The following LPA variants were observed in gnomAD, a reference collection of about 807,000 sequenced individuals.
The protein encoded by LPA is apolipoprotein(a).
In LPA, 199 loss-of-function variants were observed where a neutral mutation model predicts 197.9. The ratio of observed to expected loss-of-function variants is 1.01; its 90% CI spans 0.90 to 1.13. The LOEUF (loss-of-function observed/expected upper bound fraction) is 1.13, where lower values mean the gene tolerates loss of function less well. Ranked by LOEUF, LPA falls within the 50% of genes most tolerant of loss-of-function variation. LPA has a pLI of 0.00. For synonymous variants in LPA, 715 were observed against 639.5 expected (o/e 1.12, Z -1.78); for missense variants, 1,853 against 1,785.8 (o/e 1.04, Z -0.68).
intron 8 of LPA, among the ~76,000 whole-genome samples, chr6:160,631,991 A>AGATTGTGTGTGT (rs1554240940): frequency 1.1e-4 from 14 of 131,280 alleles, no homozygotes; most frequent in South Asian, 2.5e-4. Flanking sequence ...GTGTGTTTTC[A>AGATTGTGTGTGT]GTGTGTGTGT....
At chr6:160,608,435 T>C (rs990858313) in intron 16 of LPA, among the ~76,000 whole-genome samples, 1 of 152,178 alleles carries the variant, frequency 6.6e-6, no homozygotes, top group African/African-American at 2.4e-5. Context: ...TCCAGTGTTT[T>C]TGACGAGAAT....
At chr6:160,544,845 T>C (rs565848460) in intron 33 of LPA, among the ~76,000 whole-genome samples, 1 of 152,236 alleles carries the variant, frequency 6.6e-6, no homozygotes, top group South Asian at 2.1e-4. Context: ...CCAAGCCTCA[T>C]ACTCCCAATA....
chr6:160,652,122 GA>G (rs144548181), intron 1 of LPA, among the ~76,000 whole-genome samples: 13 of 132,268 alleles, frequency 9.8e-5, no homozygotes, highest in East Asian at 2.2e-4. Context: ...AGAGAGAAGT[GA>G]AAAAAAAAAC....
At chr6:160,592,850 G>A (rs1779055595) in intron 22 of LPA, among the ~76,000 whole-genome samples, 1 of 152,112 alleles carries the variant, frequency 6.6e-6, no homozygotes, top group Non-Finnish European at 1.5e-5. Context: ...TGCCCAAGAT[G>A]TTCAGTGAGG....
intron 18 of LPA, 53 bp downstream of exon 18, chr6:160,604,993 A>G: frequency 6.2e-7 from 1 of 1,609,690 alleles, no homozygotes; most frequent in Non-Finnish European, 8.5e-7. Flanking sequence ...GACTCTACTA[A>G]CAGAAATTTC....
chr6:160,598,297 G>A (rs1236734667), intron 20 of LPA, among the ~76,000 whole-genome samples: 1 of 152,092 alleles, frequency 6.6e-6, no homozygotes, highest in African/African-American at 2.4e-5. Flanking sequence ...TCTATGCCTG[G>A]AGCTCCTATC....
intron 2 of LPA, among the ~76,000 whole-genome samples, chr6:160,647,674 T>A (rs909384003): frequency 4.6e-5 from 7 of 152,190 alleles, no homozygotes; most frequent in Non-Finnish European, 1.0e-4. Flanking sequence ...AACCCACACA[T>A]TAACCTTTTA....
chr6:160,547,422 G>C (rs1399536733), intron 32 of LPA, among the ~76,000 whole-genome samples: 1 of 152,162 alleles, frequency 6.6e-6, no homozygotes, highest in African/African-American at 2.4e-5. Flanking sequence ...TACAGATGAA[G>C]CTTTGTTTGC....
intron 26 of LPA, among the ~76,000 whole-genome samples, chr6:160,584,166 C>G (rs1175443090): frequency 7.2e-6 from 1 of 139,842 alleles, no homozygotes; most frequent in African/African-American, 2.6e-5. Context: ...GCACTCATTT[C>G]TATTTTCTTC....
At chr6:160,634,889 G>A (rs1418242020) in intron 7 of LPA, among the ~76,000 whole-genome samples, 2 of 150,144 alleles carry the variant, frequency 1.3e-5, no homozygotes, top group Non-Finnish European at 2.9e-5. Context: ...GAGTTGTGAA[G>A]CCCATCACCC....
intron 28 of LPA, among the ~76,000 whole-genome samples, chr6:160,575,870 T>A (rs561021322): frequency 6.6e-6 from 1 of 152,320 alleles, no homozygotes; most frequent in Non-Finnish European, 1.5e-5. Flanking sequence ...TACATGACTG[T>A]AGCTCTTTAT....
At chr6:160,602,994 G>GTTTTT (rs10548212) in intron 18 of LPA, among the ~76,000 whole-genome samples, 1 of 121,402 alleles carries the variant, frequency 8.2e-6, no homozygotes, top group Non-Finnish European at 1.7e-5. Context: ...GAATCATACA[G>GTTTTT]TTTTTTTTTT....
chr6:160,659,535 C>T (rs1219792951), intron 1 of LPA, among the ~76,000 whole-genome samples: 1 of 152,234 alleles, frequency 6.6e-6, no homozygotes, highest in Non-Finnish European at 1.5e-5. Flanking sequence ...GAAAGAGAAA[C>T]TGGAATTCTT....
chr6:160,584,522 G>C (rs1285958936), intron 26 of LPA, among the ~76,000 whole-genome samples: 1 of 151,526 alleles, frequency 6.6e-6, no homozygotes, highest in Non-Finnish European at 1.5e-5. Flanking sequence ...CGTAGAGATG[G>C]GGTTTTGCCA....
rs995633013 is a variant in LPA at position 160,578,575 on chromosome 6, G to A, written c.4419C>T (p.Leu1473=). 11 of 1,613,900 alleles carry A rather than the reference G, an allele frequency of 6.8e-6. No homozygotes were observed. The highest frequency in any genetic ancestry group is 1.3e-5 in the African/African-American group (1 of 74,920). The change falls in exon 27 of 39, where the codon CTC becomes CTT. Residue 1473 remains leucine, a synonymous_variant. Transcript: ENST00000316300. ...GAACCGGGGCCACTGTGGGAGTTGT[G>A]AGGACACTCGATTCTGTCACTGGAC... ...TRCPVTESSV[L]TTPTVAPVPS...
At position 160,586,648 on chromosome 6, in the gene LPA, A is replaced by C; in HGVS notation, c.3948-18T>G. ...TCAGGCCACTGCAAATTCCAAAACA[A>C]TACAGGTCACCAGAGATTGGAGAAG... On this transcript the variant is annotated intron_variant, in intron 24 of 38. Transcript: ENST00000316300. 6.2e-7 allele frequency: 1 copy of C among 1,613,404 alleles called. No homozygotes were observed. Among genetic ancestry groups the C allele is most frequent in the Non-Finnish European group, 8.5e-7 (1 of 1,179,716 alleles).
intron 28 of LPA, among the ~76,000 whole-genome samples, chr6:160,559,065 T>C (rs1778319276): frequency 1.3e-5 from 2 of 152,168 alleles, no homozygotes; most frequent in South Asian, 4.1e-4. Flanking sequence ...ATCTGCAATG[T>C]TGTTTTTTTG....
chr6:160,585,888 C>T (rs139038544), intron 25 of LPA, among the ~76,000 whole-genome samples: 17 of 152,080 alleles, frequency 1.1e-4, no homozygotes, highest in Middle Eastern at 3.4e-3. Flanking sequence ...ACTGAGAAAT[C>T]CCTTCCCTCA....
At chr6:160,592,764 G>A (rs1779054054) in intron 22 of LPA, among the ~76,000 whole-genome samples, 1 of 152,142 alleles carries the variant, frequency 6.6e-6, no homozygotes, top group African/African-American at 2.4e-5. Flanking sequence ...TTGCTGGAGT[G>A]TTTCTGGAGT....
Sources: gnomAD v4.1 joint callset for allele counts (sites outside exome capture counted in the v4.1 genomes callset) on GRCh38, gnomAD v4.1.1 for gene constraint, MANE v1.5 for transcripts, NCBI Gene and HGNC (gene_info 2026-07-23, HGNC 2026-07-21) for gene names.